ZNF560: variants seen among roughly 807,000 people sequenced by gnomAD.
ZNF560 encodes the protein zinc finger protein 560.
Under a neutral mutation model 81.8 loss-of-function variants are expected in ZNF560, and 54 were observed. The ratio of observed to expected loss-of-function variants is 0.66; its 90% CI spans 0.53 to 0.83. The LOEUF (loss-of-function observed/expected upper bound fraction) is 0.83. Ranked by LOEUF, ZNF560 falls within the 40% of genes least tolerant of loss-of-function variation. The pLI, the probability that ZNF560 is intolerant of heterozygous loss-of-function variation, is 0.00. For missense variants in ZNF560, 940 were observed against 932.4 expected (o/e 1.01, Z -0.11); for synonymous variants, 321 against 317.9 (o/e 1.01, Z -0.10).
chr19:9,467,074 C>A lies in ZNF560; in HGVS notation c.1873G>T (p.Asp625Tyr). 7 of 1,613,990 alleles carry A rather than the reference C, an allele frequency of 4.3e-6. No individual in the cohort carries two copies. The highest frequency in any genetic ancestry group is 5.9e-6 in the Non-Finnish European group (7 of 1,180,006). ...CAGTCCTTATATTCATAGGGCTTAT[C>A]TCCAGTGTGTCTTCGTAAATGTTTA... The part of the protein sequence containing the change: ...LTKHLRRHTG[D>Y]KPYEYKDCGK... Residue 625 changes from aspartate (D) to tyrosine (Y), a missense_variant, in exon 10 of 10, where the codon GAT becomes TAT. Asp to Tyr is a radical substitution (Grantham distance 160, BLOSUM62 -3). Coordinates refer to ENST00000301480, the MANE Select transcript of ZNF560 (RefSeq NM_152476.3).
downstream of ZNF560, among the ~76,000 whole-genome samples, chr19:9,463,695 TTTTG>T: frequency 6.6e-6 from 1 of 152,156 alleles, no homozygotes. Flanking sequence ...TTTGGTTTTG[TTTTG>T]TTTTTGAGAC....
At chr19:9,496,947 G>C (rs985356795) in intron 2 of ZNF560, among the ~76,000 whole-genome samples, 3 of 151,430 alleles carry the variant, frequency 2.0e-5, no homozygotes, top group African/African-American at 7.3e-5. Context: ...AAAAAAAATA[G>C]AATGAAATCC....
At chr19:9,474,121 A>G in intron 4 of ZNF560, 78 bp downstream of exon 4, 2 of 1,550,346 alleles carry the variant, frequency 1.3e-6, no homozygotes, top group Middle Eastern at 1.8e-4. Context: ...AGTGTTGAAC[A>G]AACCAATTCT....
rs539431312 is a variant in ZNF560, at chr19:9,495,536, T to C, written c.-57+2592A>G. Among the ~76,000 whole-genome samples the C allele has an allele frequency of 3.3e-5, 5 of 152,160 alleles. No homozygotes were observed. In the East Asian group the frequency reaches 9.7e-4, roughly 29 times the overall value. Reference sequence around the variant, plus strand: ...GCCTGGCCAACATGATGATACCGCATCTCTACAAAAAAATACCAAAATTAG... The same window carrying C: ...GCCTGGCCAACATGATGATACCGCACCTCTACAAAAAAATACCAAAATTAG... On this transcript the variant is annotated intron_variant, in intron 2 of 9. Transcript: ENST00000301480.
In ZNF560 at chr19:9,469,213, T is replaced by C. The variant is rs1186190299; in HGVS notation, c.530-26A>G. 3.3e-6 allele frequency: 5 copies of C among 1,511,584 alleles called. No individual in the cohort carries two copies. In the African/African-American group the frequency reaches 7.0e-5, roughly 21 times the overall value. 93.6% of individuals were successfully genotyped at this position (1,511,584 alleles called of 1,614,324 possible). A position where few individuals can be genotyped will look rare whatever the true frequency, so the allele number is the denominator to read the frequency against. The stretch of plus-strand genomic sequence containing the variant: ...CTGAAATAAAAGAGAAAAATATACA[T>C]GAGAGTTTACACATGAAATGGTAGG... On this transcript the variant is annotated intron_variant, in intron 8 of 9. Transcript: ENST00000301480.
At chr19:9,448,514 C>T in the ZNF560 span, among the ~76,000 whole-genome samples, 1 of 150,132 alleles carries the variant, frequency 6.7e-6, no homozygotes, top group African/African-American at 2.5e-5. Context: ...AGATTACAAG[C>T]ATGAGCCACC....
chr19:9,467,607 A>G lies in ZNF560; in HGVS notation c.1340T>C (p.Leu447Pro). The G allele has an allele frequency of 1.2e-6, 2 of 1,614,130 alleles. No homozygotes were observed. Among genetic ancestry groups the G allele is most frequent in the Non-Finnish European group, 1.7e-6 (2 of 1,180,012 alleles). Residue 447 changes from leucine (L) to proline (P), a missense_variant, in exon 10 of 10, where the codon CTT becomes CCT. Leu to Pro is a moderately conservative substitution (Grantham distance 98). Coordinates refer to ENST00000301480, the MANE Select transcript of ZNF560 (RefSeq NM_152476.3). ...ATTATGAACTCTCAAATGTCCAAAA[A>G]GAGATGGGTAAGAAATAAAGGCTTT... Reference protein sequence around the residue: ...CGKAFISYPSLFGHLRVHNGE... With the variant: ...CGKAFISYPSPFGHLRVHNGE...
upstream of ZNF560, chr19:9,498,710 G>A (rs2073602530): frequency 6.6e-6 from 1 of 152,330 alleles, no homozygotes; most frequent in Non-Finnish European, 1.5e-5. Context: ...CAGGATTCTA[G>A]TTTCCCTCCG....
chr19:9,460,318 G>A, the ZNF560 span, among the ~76,000 whole-genome samples: 2 of 152,354 alleles, frequency 1.3e-5, no homozygotes, highest in Middle Eastern at 6.8e-3. Context: ...AAAACCTGAG[G>A]AAAGCAGGAC....
the ZNF560 span, among the ~76,000 whole-genome samples, chr19:9,450,850 G>A: frequency 1.3e-5 from 2 of 152,124 alleles, no homozygotes; most frequent in Non-Finnish European, 2.9e-5. Flanking sequence ...TACACCAATA[G>A]TGTTCAAGCT....
chr19:9,483,533 G>T (rs1351094884), intron 2 of ZNF560, among the ~76,000 whole-genome samples: 1 of 149,328 alleles, frequency 6.7e-6, no homozygotes, highest in African/African-American at 2.5e-5. Flanking sequence ...CGGGAGGGGG[G>T]TGGGGGGTCA....
chr19:9,466,867 G>T lies in ZNF560; in HGVS notation c.2080C>A (p.Arg694=), dbSNP rs144007259. Residue 694 remains arginine (R), a synonymous_variant, in exon 10 of 10, where the codon CGA becomes AGA. Transcript: ENST00000301480. Reference sequence around the variant, plus strand: ...CGATCATGAAAGCACATGGAATTTCGAAAGGAATTTCCACATGCGTTACAT... The same window carrying T: ...CGATCATGAAAGCACATGGAATTTCTAAAGGAATTTCCACATGCGTTACAT... ...SECNACGNSF[R]NSMCFHDRLK... is the part of the protein sequence containing the mutation. 12 of 1,613,632 alleles carry T rather than the reference G, an allele frequency of 7.4e-6. No homozygotes were observed. The East Asian group carries it at 1.8e-4, about 24-fold the overall frequency.
At chr19:9,452,398 G>A in the ZNF560 span, among the ~76,000 whole-genome samples, 25 of 152,014 alleles carry the variant, frequency 1.6e-4, no homozygotes, top group African/African-American at 5.1e-4. Context: ...TGCCATTACC[G>A]GGTATATACC....
chr19:9,486,005 C>T (rs1211861871), intron 2 of ZNF560, among the ~76,000 whole-genome samples: 1 of 152,178 alleles, frequency 6.6e-6, no homozygotes, highest in Non-Finnish European at 1.5e-5. Flanking sequence ...AGCATCAGCA[C>T]CAAACCAGAA....
chr19:9,470,260 T>A, intron 7 of ZNF560, 132 bp downstream of exon 7: 1 of 1,155,608 alleles, frequency 8.7e-7, no homozygotes, highest in Non-Finnish European at 1.2e-6. Flanking sequence ...TTTTACTCAT[T>A]AAAAAAAATT....
intron 8 of ZNF560, 27 bp from the exon 9 acceptor site, chr19:9,469,214 G>A: frequency 6.7e-7 from 1 of 1,498,338 alleles, no homozygotes; most frequent in South Asian, 1.2e-5. Context: ...AAATATACAT[G>A]AGAGTTTACA....
At chr19:9,497,523 A>G (rs2073580050) in intron 2 of ZNF560, among the ~76,000 whole-genome samples, 1 of 143,382 alleles carries the variant, frequency 7.0e-6, no homozygotes, top group Admixed American at 7.0e-5. Flanking sequence ...CGACACAGCT[A>G]GACCCCCTCT....
rs529130376 is a variant in ZNF560 at position 9,466,520 on chromosome 19, C to G, written c.*54G>C. 1 of 1,496,288 alleles carries G rather than the reference C, an allele frequency of 6.7e-7. No homozygotes were observed. The highest frequency in any genetic ancestry group is 1.4e-5 in the African/African-American group (1 of 71,370). 92.7% of individuals were successfully genotyped at this position (1,496,288 alleles called of 1,614,324 possible). The stretch of plus-strand genomic sequence containing the variant: ...GTGAATTTTTACATGTTCAGTTAGG[C>G]TTGAGGAAACAGCAAAGGTTTTTCC... On this transcript the variant is annotated 3_prime_UTR_variant, in exon 10 of 10. Coordinates refer to ENST00000301480, the MANE Select transcript of ZNF560 (RefSeq NM_152476.3).
intron 2 of ZNF560, among the ~76,000 whole-genome samples, chr19:9,483,312 G>A (rs1185625274): frequency 4.7e-5 from 7 of 150,080 alleles, no homozygotes; most frequent in South Asian, 2.1e-4. Flanking sequence ...CTGCCCGGCC[G>A]CGACCCCATC....
Sources: allele counts gnomAD v4.1 joint callset (sites outside exome capture counted in the v4.1 genomes callset), GRCh38; gene constraint gnomAD v4.1.1; transcripts MANE v1.5; gene names NCBI Gene and HGNC (gene_info 2026-07-23, HGNC 2026-07-21).